Variants in ERCC6L observed in about 807,000 individuals in gnomAD.
ERCC6L encodes the protein DNA excision repair protein ERCC-6-like.
A neutral mutation model predicts 20.1 loss-of-function variants in ERCC6L; 7 were observed. The observed-to-expected ratio is 0.35, with a 90% CI of 0.20 to 0.65. The LOEUF is 0.65. Among genes scored for constraint, ERCC6L ranks in the 30% least tolerant of loss-of-function variants. ERCC6L has a pLI of 0.69. For synonymous variants in ERCC6L, 278 were observed against 331.3 expected (o/e 0.84, Z 1.75); for missense variants, 592 against 892.4 (o/e 0.66, Z 4.29).
At chrX:72,231,162 G>C (rs1331423293) in intron 1 of ERCC6L, among the ~76,000 whole-genome samples, 2 of 112,057 alleles carry the variant, frequency 1.8e-5, no homozygotes, top group Non-Finnish European at 3.8e-5. Flanking sequence ...CCAAGAAAAG[G>C]AAACAACCAA....
intron 1 of ERCC6L, among the ~76,000 whole-genome samples, chrX:72,235,206 G>A (rs951177079): frequency 3.6e-5 from 4 of 111,474 alleles, no homozygotes; most frequent in African/African-American, 1.3e-4. Context: ...TAAGGTTGCA[G>A]CAAGGCTGTG....
At position 72,228,152 on chromosome X, in the gene ERCC6L, C is replaced by T. The variant is rs2042963931; in HGVS notation, c.68+10692G>A. Among the ~76,000 whole-genome samples the T allele has an allele frequency of 2.7e-5, 3 of 112,369 alleles. No individual in the cohort carries two copies. The Admixed American group carries it at 2.9e-4, about 11-fold the overall frequency. The stretch of plus-strand genomic sequence containing the variant: ...CGTTCCAGCCAATGGAAACTGGACA[C>T]AGCAGTAGGGTGGAAGCGTCAGTTT... On this transcript the variant is annotated intron_variant, in intron 1 of 1. Coordinates refer to ENST00000334463, the MANE Select transcript of ERCC6L (RefSeq NM_017669.4).
intron 1 of ERCC6L, among the ~76,000 whole-genome samples, chrX:72,222,754 C>G (rs1014331719): frequency 1.8e-5 from 2 of 109,199 alleles, no homozygotes; most frequent in East Asian, 5.9e-4. Context: ...CGTGTCACCA[C>G]GCCCAGCTAA....
chrX:72,218,989 C>T (rs1293095443), intron 1 of ERCC6L, among the ~76,000 whole-genome samples: 3 of 112,854 alleles, frequency 2.7e-5, no homozygotes, highest in Non-Finnish European at 5.6e-5. Flanking sequence ...GGCACAGTGG[C>T]CCACGCCTGT....
chrX:72,232,746 G>A (rs1488414810), intron 1 of ERCC6L, among the ~76,000 whole-genome samples: 1 of 111,836 alleles, frequency 8.9e-6, no homozygotes, highest in Non-Finnish European at 1.9e-5. Flanking sequence ...GGAGGTGGAG[G>A]TTGCAGTGAG....
chrX:72,213,822 G>A (rs1347345038), intron 1 of ERCC6L, among the ~76,000 whole-genome samples: 1 of 111,646 alleles, frequency 9.0e-6, no homozygotes, highest in Non-Finnish European at 1.9e-5. Context: ...TGGAATCCGT[G>A]AGGCCAAGAA....
At chrX:72,219,211 G>A (rs1035646970) in intron 1 of ERCC6L, among the ~76,000 whole-genome samples, 9 of 111,260 alleles carry the variant, frequency 8.1e-5, no homozygotes, top group African/African-American at 3.0e-4. Context: ...AGCAGAGATC[G>A]CGCCATTGCA....
rs139547199 is a variant in ERCC6L, at chrX:72,205,292, A to G, written c.3475T>C (p.Trp1159Arg). The stretch of plus-strand genomic sequence containing the variant: ...GCACTAGGCTTAGACGTCATTAACC[A>G]GCTGGACTTGTTTTCTGAAGACAGT... The part of the protein sequence containing the change: ...ETLSSENKSS[W>R]LMTSKPSALA... The change falls in exon 2 of 2, where the codon TGG becomes CGG. Residue 1159 changes from tryptophan to arginine, a missense_variant. This residue lies in a region of ERCC6L where 352 missense variants were observed against 402.6 expected (regional missense o/e 0.87). Transcript: ENST00000334463. 5 of 1,210,539 alleles carry G rather than the reference A, an allele frequency of 4.1e-6. No homozygotes were observed. The African/African-American group carries it at 8.7e-5, about 21-fold the overall frequency.
chrX:72,205,685 A>G lies in ERCC6L; in HGVS notation c.3082T>C (p.Ser1028Pro). 1.7e-6 allele frequency: 2 copies of G among 1,211,970 alleles called. No individual in the cohort carries two copies. The highest frequency in any genetic ancestry group is 2.2e-6 in the Non-Finnish European group (2 of 895,540). The change falls in exon 2 of 2, where the codon TCA (serine) becomes CCA (proline). Residue 1028 changes from serine (S) to proline (P), a missense_variant. This residue lies in a region of ERCC6L where 352 missense variants were observed against 402.6 expected (regional missense o/e 0.87). Transcript: ENST00000334463. ...KIRSKARRIV[S>P]DGEDEDDSFK... ...GAATCATCTTCATCTTCGCCATCTG[A>G]AACAATCCTTCTAGCTTTACTTCTG...
At chrX:72,232,225 G>A (rs1386464717) in intron 1 of ERCC6L, among the ~76,000 whole-genome samples, 3 of 101,001 alleles carry the variant, frequency 3.0e-5, no homozygotes, top group Non-Finnish European at 6.0e-5. Context: ...GCACAGAGAT[G>A]AGATTTAAAG....
At chrX:72,232,474 T>C (rs1381057667) in intron 1 of ERCC6L, among the ~76,000 whole-genome samples, 1 of 101,092 alleles carries the variant, frequency 9.9e-6, no homozygotes, top group Non-Finnish European at 2.0e-5. Flanking sequence ...ATCTATAGAA[T>C]TCCAGCTAAT....
chrX:72,205,434 C>T lies in ERCC6L; in HGVS notation c.3333G>A (p.Glu1111=), dbSNP rs2042812222. ...CTTCACTGCTGTCGTCAAGTCTTTC[C>T]TCCATGTCCTCCACGTGGTCTAAAA... ...NMVLDHVEDM[E]ERLDDSSEAK... The change falls in exon 2 of 2, where the codon GAG becomes GAA. Residue 1111 remains glutamate, a synonymous_variant. Transcript: ENST00000334463. The T allele has an allele frequency of 8.3e-7, 1 of 1,211,756 alleles. No individual in the cohort carries two copies. Among genetic ancestry groups the T allele is most frequent in the Non-Finnish European group, 1.1e-6 (1 of 895,546 alleles).
At chrX:72,209,215 C>G (rs1039635208) in intron 1 of ERCC6L, among the ~76,000 whole-genome samples, 1 of 110,886 alleles carries the variant, frequency 9.0e-6, no homozygotes, top group Non-Finnish European at 1.9e-5. Flanking sequence ...GTCCTAGGAC[C>G]TCTTCTCACT....
chrX:72,223,406 T>G (rs1275002312), intron 1 of ERCC6L, among the ~76,000 whole-genome samples: 1 of 105,581 alleles, frequency 9.5e-6, no homozygotes, highest in Non-Finnish European at 1.9e-5. Context: ...AATGCGGCCT[T>G]TGGAGACAGT....
intron 1 of ERCC6L, among the ~76,000 whole-genome samples, chrX:72,222,616 T>A (rs1458483969): frequency 2.2e-5 from 2 of 92,438 alleles, no homozygotes; most frequent in Non-Finnish European, 4.2e-5. Context: ...TTTTTTTTTT[T>A]AGATGGAGTC....
chrX:72,219,771 C>T (rs763358493), intron 1 of ERCC6L, among the ~76,000 whole-genome samples: 1 of 108,800 alleles, frequency 9.2e-6, no homozygotes, highest in Non-Finnish European at 1.9e-5. Flanking sequence ...ATCACTTGAA[C>T]CCGGGAGGCA....
At chrX:72,236,910 G>A (rs2147607637) in intron 1 of ERCC6L, among the ~76,000 whole-genome samples, 1 of 112,337 alleles carries the variant, frequency 8.9e-6, no homozygotes, top group East Asian at 2.8e-4. Context: ...AAGTGTATCT[G>A]TAGAAGAAAA....
rs2042835221 is a variant in ERCC6L at position 72,208,673 on chromosome X, T to A, written c.94A>T (p.Thr32Ser). 3.3e-6 allele frequency: 4 copies of A among 1,203,317 alleles called. No individual in the cohort carries two copies. Among genetic ancestry groups the A allele is most frequent in the Non-Finnish European group, 4.5e-6 (4 of 891,598 alleles). Residue 32 changes from threonine to serine, a missense_variant, in exon 2 of 2, where the codon ACT becomes TCT. By Grantham distance (58) the Thr-to-Ser change is moderately conservative. Transcript: ENST00000334463. ...LRYVKEAKEA[T>S]KNGDLEEAFK... ...GCTTCTTCCAGGTCTCCATTCTTAG[T>A]TGCTTCTTTGGCCTCTTTCACATAT...
rs527281121 is a variant in ERCC6L at position 72,210,663 on chromosome X, C to T, written c.69-1965G>A. Among the ~76,000 whole-genome samples, 6 of 111,301 alleles carry T rather than the reference C, an allele frequency of 5.4e-5. No homozygotes were observed. The South Asian group carries it at 1.5e-3, about 28-fold the overall frequency. ...GGCCAGAGTCCCCACTAATCACACA[C>T]GCCAGCCTTTTAAATGGCAACTGTG... On this transcript the variant is annotated intron_variant, in intron 1 of 1. Transcript: ENST00000334463.
Sources: gnomAD v4.1 joint callset for allele counts (sites outside exome capture counted in the v4.1 genomes callset) on GRCh38, gnomAD v4.1.1 for gene constraint, gnomAD v4.1.1 regional missense constraint, MANE v1.5 for transcripts, NCBI Gene and HGNC (gene_info 2026-07-23, HGNC 2026-07-21) for gene names.